Variants in HAP1 observed in about 807,000 individuals in gnomAD.
HAP1 encodes huntingtin-associated protein 1.
Under a neutral mutation model 60.3 loss-of-function variants are expected in HAP1, and 59 were observed. The observed-to-expected ratio is 0.98, with a 90% CI of 0.79 to 1.22. The LOEUF is 1.22. Ranked by LOEUF, HAP1 falls within the 50% of genes most tolerant of loss-of-function variation. The pLI is 0.00. For missense variants in HAP1, 825 were observed against 785.3 expected, an observed-to-expected ratio of 1.05 and a Z score of -0.60; for synonymous variants, 346 against 330.6, an observed-to-expected ratio of 1.05 and a Z score of -0.50.
intron 6 of HAP1, among the ~76,000 whole-genome samples, chr17:41,729,713 TAA>T (rs1381294842): frequency 1.3e-5 from 2 of 148,570 alleles, no homozygotes; most frequent in Non-Finnish European, 3.0e-5. Context: ...CCATCTCTAC[TAA>T]AAATACAAAA....
At chr17:41,733,806 A>G (rs1220991728) in intron 1 of HAP1, among the ~76,000 whole-genome samples, 2 of 145,178 alleles carry the variant, frequency 1.4e-5, no homozygotes, top group Non-Finnish European at 3.0e-5. Context: ...CGGCCAGCGC[A>G]GACTCAGAGC....
Position 41,734,231 on chromosome 17 carries a change from T to C in HAP1, c.404A>G (p.Tyr135Cys). 2 of 1,600,586 alleles carry C rather than the reference T, an allele frequency of 1.2e-6. No homozygotes were observed. Among genetic ancestry groups the C allele is most frequent in the South Asian group, 1.1e-5 (1 of 90,750 alleles). Residue 135 changes from tyrosine (Y) to cysteine (C), a missense_variant, in exon 1 of 11, where the codon TAC becomes TGC. Transcript: ENST00000347901. ...AAGIWKTPAA[Y>C]VGRRPGVSGP... ...GGACACCCCGGGTCGCCGGCCAACG[T>C]AGGCGGCTGGCGTCTTCCAGATGCC...
In HAP1 at chr17:41,731,952, C is replaced by T. The variant is rs1271283829; in HGVS notation, c.881G>A (p.Cys294Tyr). 1.1e-6 allele frequency: 1 copy of T among 945,080 alleles called. No homozygotes were observed. Among genetic ancestry groups the T allele is most frequent in the Non-Finnish European group, 1.7e-6 (1 of 590,336 alleles). 58.5% of individuals were successfully genotyped at this position (945,080 alleles called of 1,614,324 possible). The change falls in exon 4 of 11, where the codon TGT becomes TAT. Residue 294 changes from cysteine (C) to tyrosine (Y), a missense_variant. By Grantham distance (194) the Cys-to-Tyr change is radical (BLOSUM62 -2). Transcript: ENST00000347901. ...AEEDLQCAHP[C>Y]DAPKLISQEA... The stretch of plus-strand genomic sequence containing the variant: ...AGGAACTCACAGCTTAGGGGCATCA[C>T]AGGGATGAGCACACTGCAGGTCTTC...
Position 41,728,408 on chromosome 17 carries a change from T to C in HAP1, c.1070-77A>G. 2.1e-6 allele frequency: 3 copies of C among 1,395,404 alleles called. No homozygotes were observed. The South Asian group carries it at 3.7e-5, about 17-fold the overall frequency. The allele number at this position is 1,395,404 out of a possible 1,614,324, so 86.4% of individuals were successfully genotyped here. On this transcript the variant is annotated intron_variant, in intron 6 of 10. Transcript: ENST00000347901. Reference sequence around the variant, plus strand: ...CAGCTCTGGCCCTCCCAGATGCCTCTGTCTCCCCCACCCTCGGCTGCTGCG... The same window carrying C: ...CAGCTCTGGCCCTCCCAGATGCCTCCGTCTCCCCCACCCTCGGCTGCTGCG...
At chr17:41,727,715 G>A in intron 8 of HAP1, 47 bp downstream of exon 8, 1 of 1,316,732 alleles carries the variant, frequency 7.6e-7, no homozygotes, top group Middle Eastern at 1.8e-4. Context: ...CCCACTCTGG[G>A]CCAGCGGCTC....
At position 41,731,476 on chromosome 17, in the gene HAP1, G is replaced by C; in HGVS notation, c.1069+17C>G. On this transcript the variant is annotated intron_variant, in intron 6 of 10. Coordinates refer to ENST00000347901, the MANE Select transcript of HAP1 (RefSeq NM_177977.3). Reference sequence around the variant, plus strand: ...TCCTTGGGACAACCCCCCACCCCGAGTGACAACATTACGTACAAAACTGCT... The same window carrying C: ...TCCTTGGGACAACCCCCCACCCCGACTGACAACATTACGTACAAAACTGCT... 1.3e-6 allele frequency: 2 copies of C among 1,570,324 alleles called. No individual in the cohort carries two copies. The highest frequency in any genetic ancestry group is 1.7e-5 in the Admixed American group (1 of 59,926).
At position 41,724,952 on chromosome 17, in the gene HAP1, TCTC is replaced by T; in HGVS notation, c.1606_1608del (p.Glu536del). The T allele has an allele frequency of 6.2e-7, 1 of 1,612,734 alleles. No homozygotes were observed. The highest frequency in any genetic ancestry group is 8.5e-7 in the Non-Finnish European group (1 of 1,179,958). ...AGTTCCACCTCCTCCCAGCCCTCGG[TCTC>T]CTCTGACACCAGCTCTGCCTCTTCC... On this transcript the variant is annotated inframe_deletion, in exon 11 of 11. Coordinates refer to ENST00000347901, the MANE Select transcript of HAP1 (RefSeq NM_177977.3).
intron 9 of HAP1, 61 bp from the exon 10 acceptor site, chr17:41,725,958 G>A: frequency 8.1e-7 from 1 of 1,237,812 alleles, no homozygotes; most frequent in Non-Finnish European, 1.2e-6. Context: ...AGTCCCTGGG[G>A]CTTGGTCAAG....
At chr17:41,719,890 CTT>C (rs33939681), downstream of HAP1, among the ~76,000 whole-genome samples, 11 of 128,810 alleles carry the variant, frequency 8.5e-5, no homozygotes, top group Admixed American at 1.7e-4. Context: ...AGATATTTAA[CTT>C]TTTTTTTTTT....
intron 1 of HAP1, among the ~76,000 whole-genome samples, chr17:41,733,012 G>A (rs1286402372): frequency 1.9e-4 from 25 of 129,264 alleles, no homozygotes; most frequent in Admixed American, 1.2e-3. Context: ...AGTGGACAGG[G>A]TTTTTAGGTT....
At chr17:41,728,761 T>C (rs1911888881) in intron 6 of HAP1, among the ~76,000 whole-genome samples, 1 of 151,736 alleles carries the variant, frequency 6.6e-6, no homozygotes, top group Non-Finnish European at 1.5e-5. Flanking sequence ...AGGAAAAACA[T>C]GGGTCCAAGC....
At position 41,724,210 on chromosome 17, in the gene HAP1, C is replaced by A; in HGVS notation, c.*491G>T. 1 of 158,202 alleles carries A rather than the reference C, an allele frequency of 6.3e-6. No homozygotes were observed. 9.8% of individuals were successfully genotyped at this position (158,202 alleles called of 1,614,324 possible). A position where few individuals can be genotyped will look rare whatever the true frequency, so the allele number is the denominator to read the frequency against. ...CCAGGGGACTGTTCCAACTGTGGCC[C>A]TTGCTGGTGAAGGCCTTTGTCCCCA... On this transcript the variant is annotated 3_prime_UTR_variant, in exon 11 of 11. Transcript: ENST00000347901.
chr17:41,718,659 C>T (rs886345906), downstream of HAP1, among the ~76,000 whole-genome samples: 21 of 152,230 alleles, frequency 1.4e-4, no homozygotes, highest in Admixed American at 5.2e-4. Flanking sequence ...TATTAGATTG[C>T]ACTGGTGCCA....
At chr17:41,725,599 TG>T (rs1352676475) in intron 10 of HAP1, among the ~76,000 whole-genome samples, 29 of 152,304 alleles carry the variant, frequency 1.9e-4, no homozygotes, top group African/African-American at 7.0e-4. Context: ...CCTAAGCCAG[TG>T]CCTGTCACCT....
At chr17:41,729,021 GTAACT>G (rs1911909389) in intron 6 of HAP1, among the ~76,000 whole-genome samples, 1 of 152,044 alleles carries the variant, frequency 6.6e-6, no homozygotes, top group Non-Finnish European at 1.5e-5. Flanking sequence ...TTGGCTCACT[GTAACT>G]GCCGCCCGAG....
chr17:41,719,010 G>A (rs1269351057), downstream of HAP1, among the ~76,000 whole-genome samples: 2 of 152,062 alleles, frequency 1.3e-5, no homozygotes, highest in African/African-American at 4.8e-5. Flanking sequence ...ACAGAGTCTT[G>A]CTCTGTCACC....
At chr17:41,729,321 G>A (rs1911937578) in intron 6 of HAP1, among the ~76,000 whole-genome samples, 1 of 150,198 alleles carries the variant, frequency 6.7e-6, no homozygotes, top group African/African-American at 2.4e-5. Context: ...AGGCTGAGGG[G>A]GATGGATCGC....
chr17:41,733,855 C>A (rs1194797483), intron 1 of HAP1, among the ~76,000 whole-genome samples: 3 of 151,872 alleles, frequency 2.0e-5, no homozygotes, highest in African/African-American at 7.2e-5. Context: ...CCGCCCCTCT[C>A]CTGGCACTGC....
At chr17:41,726,153 G>A (rs1057256316) in intron 9 of HAP1, among the ~76,000 whole-genome samples, 2 of 152,120 alleles carry the variant, frequency 1.3e-5, no homozygotes, top group Non-Finnish European at 2.9e-5. Flanking sequence ...AGTGGCTCAC[G>A]CCTATAATCC....
Sources: allele counts gnomAD v4.1 joint callset (sites outside exome capture counted in the v4.1 genomes callset), GRCh38; gene constraint gnomAD v4.1.1; transcripts MANE v1.5; gene names NCBI Gene and HGNC (gene_info 2026-07-23, HGNC 2026-07-21).